Variants in SIPA1L3 observed in about 807,000 individuals in gnomAD.
SIPA1L3 encodes signal-induced proliferation-associated 1-like protein 3.
Under a neutral mutation model 150.1 loss-of-function variants are expected in SIPA1L3, and 59 were observed. The ratio of observed to expected loss-of-function variants is 0.39; its 90% CI spans 0.32 to 0.49. The LOEUF is 0.49. Ranked by LOEUF, SIPA1L3 falls within the 20% of genes least tolerant of loss-of-function variation. The pLI is 0.86. For missense variants in SIPA1L3, 2,211 were observed against 2,489.5 expected, an observed-to-expected ratio of 0.89 and a Z score of 2.38; for synonymous variants, 1,070 against 1,077.6, an observed-to-expected ratio of 0.99 and a Z score of 0.14.
chr19:38,081,590 A>G lies in SIPA1L3; in HGVS notation c.25A>G (p.Ser9Gly). Reference protein sequence around the residue: MTTYRAIPSDGVDLAASCG... With the variant: MTTYRAIPGDGVDLAASCG... Reference sequence around the variant, plus strand: ...TATGACCACCTATCGGGCCATCCCCAGCGATGGTGTGGACCTGGCAGCCAG... The same window carrying G: ...TATGACCACCTATCGGGCCATCCCCGGCGATGGTGTGGACCTGGCAGCCAG... The change falls in exon 3 of 22, where the codon AGC (serine) becomes GGC (glycine). Residue 9 changes from serine (S) to glycine (G), a missense_variant. Ser to Gly is a moderately conservative substitution (Grantham distance 56). Transcript: ENST00000222345. 2 of 1,594,404 alleles carry G rather than the reference A, an allele frequency of 1.3e-6. No individual in the cohort carries two copies. The highest frequency in any genetic ancestry group is 1.7e-6 in the Non-Finnish European group (2 of 1,166,892).
chr19:38,125,797 G>A (rs1249449122), intron 9 of SIPA1L3, among the ~76,000 whole-genome samples: 2 of 152,194 alleles, frequency 1.3e-5, no homozygotes, highest in Non-Finnish European at 2.9e-5. Flanking sequence ...GCCTGGCCTT[G>A]GCCTGGCCAG....
chr19:37,984,517 G>A (rs188257179), intron 1 of SIPA1L3, among the ~76,000 whole-genome samples: 3 of 152,288 alleles, frequency 2.0e-5, no homozygotes, highest in African/African-American at 4.8e-5. Flanking sequence ...AAACATTAAG[G>A]AAAGAGAGAA....
At chr19:38,202,146 A>G in intron 20 of SIPA1L3, 149 bp downstream of exon 20, 2 of 714,844 alleles carry the variant, frequency 2.8e-6, no homozygotes, top group Non-Finnish European at 4.4e-6. Flanking sequence ...CTCCTAACAG[A>G]CTTGGAAGTC....
intron 1 of SIPA1L3, among the ~76,000 whole-genome samples, chr19:37,925,584 T>C (rs2046496009): frequency 6.6e-6 from 1 of 150,534 alleles, no homozygotes; most frequent in African/African-American, 2.4e-5. Flanking sequence ...GTTGATTGAT[T>C]TATTACTTTT....
chr19:38,100,071 A>C lies in SIPA1L3; in HGVS notation c.1775A>C (p.Glu592Ala). 1 of 1,612,340 alleles carries C rather than the reference A, an allele frequency of 6.2e-7. No homozygotes were observed. Among genetic ancestry groups the C allele is most frequent in the African/African-American group, 1.3e-5 (1 of 74,874 alleles). ...LKDALEYVIP[E>A]LNIHCLRLAL... ...GATGCCCTGGAGTATGTCATCCCCGAGCTCAACATCCACTGCCTGCGGCTG... is the reference window on the plus strand; with the variant it reads ...GATGCCCTGGAGTATGTCATCCCCGCGCTCAACATCCACTGCCTGCGGCTG... The change falls in exon 5 of 22, where the codon GAG becomes GCG. Residue 592 changes from glutamate to alanine, a missense_variant. Transcript: ENST00000222345.
chr19:38,055,822 A>G (rs557861232), intron 2 of SIPA1L3, among the ~76,000 whole-genome samples: 1 of 152,308 alleles, frequency 6.6e-6, no homozygotes, highest in East Asian at 1.9e-4. Context: ...CCTGCTGAGG[A>G]ACACTTGGGA....
At chr19:38,112,112 T>C (rs1456604767) in intron 8 of SIPA1L3, among the ~76,000 whole-genome samples, 3 of 138,342 alleles carry the variant, frequency 2.2e-5, no homozygotes, top group Non-Finnish European at 4.6e-5. Flanking sequence ...TGCACACACA[T>C]ACATGCACAC....
In SIPA1L3 at chr19:37,918,915, T is replaced by C. The variant is rs576301252; in HGVS notation, c.-379+11557T>C. On this transcript the variant is annotated intron_variant, in intron 1 of 21. Coordinates refer to ENST00000222345, the MANE Select transcript of SIPA1L3 (RefSeq NM_015073.3). ...ATAAATAAATAAATAAATAAATAAA[T>C]AAACAAACTGCTGCTTTGGACATGA... Among the ~76,000 whole-genome samples the C allele has an allele frequency of 7.3e-3, 994 of 136,546 alleles. 6 individuals carry two copies. The highest frequency in any genetic ancestry group is 0.018 in the Middle Eastern group (5 of 276). The allele number at this position is 136,546 out of a possible 152,430, so 89.6% of individuals were successfully genotyped here.
At chr19:38,044,875 GT>G (rs1969017594) in intron 2 of SIPA1L3, among the ~76,000 whole-genome samples, 1 of 151,944 alleles carries the variant, frequency 6.6e-6, no homozygotes, top group Admixed American at 6.6e-5. Flanking sequence ...TTAGTGCCTG[GT>G]GCCACCAACA....
At chr19:38,143,338 C>T (rs879693863) in intron 12 of SIPA1L3, among the ~76,000 whole-genome samples, 2 of 152,102 alleles carry the variant, frequency 1.3e-5, no homozygotes, top group Admixed American at 1.3e-4. Flanking sequence ...AGTCCTTGGG[C>T]CTGAGCTGTG....
intron 15 of SIPA1L3, among the ~76,000 whole-genome samples, chr19:38,168,794 G>A (rs1972262587): frequency 6.6e-6 from 1 of 152,306 alleles, no homozygotes; most frequent in East Asian, 1.9e-4. Context: ...AGAGGGCCCT[G>A]CGGTTGGGAG....
intron 1 of SIPA1L3, among the ~76,000 whole-genome samples, chr19:37,971,314 G>A (rs532562448): frequency 2.2e-4 from 34 of 152,094 alleles, no homozygotes; most frequent in Admixed American, 3.9e-4. Context: ...ATGGTTTTCA[G>A]TGTATTTTCC....
intron 21 of SIPA1L3, among the ~76,000 whole-genome samples, chr19:38,205,564 C>A (rs774775757): frequency 6.6e-6 from 1 of 152,180 alleles, no homozygotes; most frequent in South Asian, 2.1e-4. Context: ...GTCTTCGAGC[C>A]GTGGAATCAA....
intron 1 of SIPA1L3, among the ~76,000 whole-genome samples, chr19:37,917,108 A>G (rs570747465): frequency 6.0e-4 from 92 of 152,346 alleles, no homozygotes; most frequent in African/African-American, 2.0e-3. Context: ...CATGTAATCA[A>G]TATAGAAATT....
chr19:38,112,614 A>C (rs1031622298), intron 8 of SIPA1L3, among the ~76,000 whole-genome samples: 2 of 152,304 alleles, frequency 1.3e-5, no homozygotes, highest in Admixed American at 1.3e-4. Flanking sequence ...AAATCATTTA[A>C]CAGAGACCCA....
chr19:37,955,283 C>T (rs2046800438), intron 1 of SIPA1L3, among the ~76,000 whole-genome samples: 1 of 150,980 alleles, frequency 6.6e-6, no homozygotes. Flanking sequence ...CCCCGCTACT[C>T]AGGAGGCTGA....
chr19:38,127,936 C>G (rs765646822), intron 9 of SIPA1L3, among the ~76,000 whole-genome samples: 1 of 151,788 alleles, frequency 6.6e-6, no homozygotes, highest in African/African-American at 2.4e-5. Context: ...GCCAGGAAGT[C>G]CAAGATAAAG....
rs575310525 is a variant in SIPA1L3, at chr19:37,947,228, GC to G, written c.-379+39872del. Among the ~76,000 whole-genome samples the G allele has an allele frequency of 2.3e-3, 345 of 151,926 alleles. 2 individuals are homozygous for G. The South Asian group carries it at 0.024, about 11-fold the overall frequency. The stretch of plus-strand genomic sequence containing the variant: ...AATCCGTCCAGGCATGGCGGCCCAC[GC>G]CTGTAATCCCAGCACTTTGGGAGGC... On this transcript the variant is annotated intron_variant, in intron 1 of 21. Coordinates refer to ENST00000222345, the MANE Select transcript of SIPA1L3 (RefSeq NM_015073.3).
chr19:38,085,220 G>A (rs549012990), intron 3 of SIPA1L3, among the ~76,000 whole-genome samples: 12 of 152,104 alleles, frequency 7.9e-5, no homozygotes, highest in South Asian at 2.1e-4. Flanking sequence ...GGTGGCTCAC[G>A]CTTGTAATCC....
Sources: gnomAD v4.1 joint callset for allele counts (sites outside exome capture counted in the v4.1 genomes callset) on GRCh38, gnomAD v4.1.1 for gene constraint, MANE v1.5 for transcripts, NCBI Gene and HGNC (gene_info 2026-07-23, HGNC 2026-07-21) for gene names.